The following CFAP54 variants were observed in gnomAD, a reference collection of about 807,000 sequenced individuals.
The protein encoded by CFAP54 is cilia- and flagella-associated protein 54.
In CFAP54, 290 loss-of-function variants were observed where a neutral mutation model predicts 370.4. That is an observed-to-expected ratio of 0.78 (90% CI 0.71 to 0.86). The LOEUF is 0.86. Among genes scored for constraint, CFAP54 ranks in the 40% least tolerant of loss-of-function variants. The pLI is 0.00. For missense variants in CFAP54, 3,399 were observed against 3,528.7 expected, an observed-to-expected ratio of 0.96 and a Z score of 0.93; for synonymous variants, 1,206 against 1,236.5, an observed-to-expected ratio of 0.98 and a Z score of 0.52.
In CFAP54 at chr12:96,811,811, T is replaced by G; in HGVS notation, c.8926T>G (p.Cys2976Gly). Residue 2976 changes from cysteine to glycine, a missense_variant, in exon 64 of 68, where the codon TGT becomes GGT. Physicochemically the swap from Cys to Gly is radical, Grantham distance 159. Coordinates refer to ENST00000524981, the MANE Select transcript of CFAP54 (RefSeq NM_001306084.2). The stretch of plus-strand genomic sequence containing the variant: ...TAGACATTCCACTTATAACAGTACA[T>G]GTGTTGGCTCTTTATGGATTCCACT... Reference protein sequence around the residue: ...DVRHSTYNSTCVGSLWIPLNR... With the variant: ...DVRHSTYNSTGVGSLWIPLNR... 1 of 1,519,090 alleles carries G rather than the reference T, an allele frequency of 6.6e-7. No individual in the cohort carries two copies. Among genetic ancestry groups the G allele is most frequent in the South Asian group, 1.2e-5 (1 of 81,026 alleles). The allele number at this position is 1,519,090 out of a possible 1,614,324, so 94.1% of individuals were successfully genotyped here.
intron 5 of CFAP54, among the ~76,000 whole-genome samples, chr12:96,516,564 G>A (rs533433314): frequency 2.6e-5 from 4 of 152,108 alleles, no homozygotes; most frequent in Admixed American, 6.5e-5. Context: ...AATAGAGGGC[G>A]GTCGGACTTC....
intron 63 of CFAP54, among the ~76,000 whole-genome samples, chr12:96,799,367 A>G (rs968663025): frequency 6.6e-6 from 1 of 151,912 alleles, no homozygotes; most frequent in Admixed American, 6.6e-5. Context: ...CAGCATTTTT[A>G]TTTGCTTTTT....
intron 66 of CFAP54, among the ~76,000 whole-genome samples, chr12:96,839,072 C>A (rs1959196021): frequency 6.6e-6 from 1 of 152,156 alleles, no homozygotes; most frequent in African/African-American, 2.4e-5. Context: ...AGAGTTAGAA[C>A]CCGGATTTGT....
Position 96,591,380 on chromosome 12 carries a change from A to G in CFAP54, c.3213-1110A>G, listed in dbSNP as rs573077369. Among the ~76,000 whole-genome samples, 23 of 152,304 alleles carry G rather than the reference A, an allele frequency of 1.5e-4. 1 individual carries two copies. Among genetic ancestry groups the G allele is most frequent in the African/African-American group, 5.5e-4 (23 of 41,552 alleles). ...AGAAAATGAAAAATCCTAACAAGCA[A>G]AGACCACTCATGTGAAGTTTGGTGG... On this transcript the variant is annotated intron_variant, in intron 23 of 67. Transcript: ENST00000524981.
intron 57 of CFAP54, 94 bp downstream of exon 57, chr12:96,756,657 A>G: frequency 1.3e-6 from 1 of 795,294 alleles, no homozygotes; most frequent in Non-Finnish European, 2.1e-6. Flanking sequence ...ATTGCTTGGG[A>G]TGCCTTCTGA....
In CFAP54 at chr12:96,581,097, C is replaced by A; in HGVS notation, c.3067C>A (p.Leu1023Met). The A allele has an allele frequency of 6.8e-7, 1 of 1,476,960 alleles. No individual in the cohort carries two copies. The highest frequency in any genetic ancestry group is 1.3e-5 in the South Asian group (1 of 74,986). The allele number at this position is 1,476,960 out of a possible 1,614,324, so 91.5% of individuals were successfully genotyped here. Reference sequence around the variant, plus strand: ...TTCTACTATTACTGCTCGGATGTTCCTGACACAGGTAGAAAAGATTTCTGC... The same window carrying A: ...TTCTACTATTACTGCTCGGATGTTCATGACACAGGTAGAAAAGATTTCTGC... The part of the protein sequence containing the change: ...PLSTITARMF[L>M]TQVAYQVGNY... The change falls in exon 22 of 68, where the codon CTG (leucine) becomes ATG (methionine). Residue 1023 changes from leucine (L) to methionine (M), a missense_variant. By Grantham distance (15) the Leu-to-Met change is conservative. Around this residue, in one of 3 missense-constraint regions of CFAP54, gnomAD observed 2,796 missense variants for 2,869.7 expected, o/e 0.97. Transcript: ENST00000524981.
chr12:96,818,991 G>A (rs968616401), intron 65 of CFAP54, among the ~76,000 whole-genome samples: 9 of 152,162 alleles, frequency 5.9e-5, no homozygotes, highest in Admixed American at 3.9e-4. Context: ...GATGTATTCT[G>A]TACTTATTGT....
chr12:96,756,073 A>G (rs1477930407), intron 56 of CFAP54, among the ~76,000 whole-genome samples: 1 of 152,190 alleles, frequency 6.6e-6, no homozygotes, highest in Non-Finnish European at 1.5e-5. Flanking sequence ...ATGGGAGGGC[A>G]GATGTTTTCT....
chr12:96,644,079 G>A (rs1956763653), intron 32 of CFAP54, 99 bp from the exon 33 acceptor site: 1 of 767,608 alleles, frequency 1.3e-6, no homozygotes, highest in Admixed American at 2.7e-5. Flanking sequence ...GGGCAGTCAA[G>A]TGACTTATTG....
At chr12:96,820,569 T>C (rs968654585) in intron 65 of CFAP54, among the ~76,000 whole-genome samples, 2 of 152,184 alleles carry the variant, frequency 1.3e-5, no homozygotes, top group Admixed American at 6.5e-5. Context: ...AGGTATATCA[T>C]GGGGCAGATG....
At chr12:96,753,614 TAA>T (rs1958215427) in intron 55 of CFAP54, 127 bp from the exon 56 acceptor site, 2 of 865,452 alleles carry the variant, frequency 2.3e-6, no homozygotes, top group Non-Finnish European at 3.5e-6. Flanking sequence ...TCTTGGATGC[TAA>T]AAACTGTAAA....
chr12:96,597,551 C>T (rs1011645270), intron 25 of CFAP54, among the ~76,000 whole-genome samples: 3 of 151,774 alleles, frequency 2.0e-5, no homozygotes, highest in Non-Finnish European at 4.4e-5. Context: ...AAATGTGTAC[C>T]ATGAAGTCCT....
chr12:96,858,524 G>A (rs772940270), intron 66 of CFAP54, among the ~76,000 whole-genome samples: 7 of 152,126 alleles, frequency 4.6e-5, no homozygotes, highest in Non-Finnish European at 8.8e-5. Context: ...TTTTGCTTTT[G>A]TTGTGATTGT....
At chr12:96,647,472 C>CAAAAAAAAA (rs57089692) in intron 33 of CFAP54, among the ~76,000 whole-genome samples, 602 of 40,702 alleles carry the variant, frequency 0.015, 40 homozygotes, top group African/African-American at 0.035. Context: ...GACTCTGTCC[C>CAAAAAAAAA]AAAAAAAAAA....
chr12:96,658,722 T>C (rs1956954160), intron 38 of CFAP54, among the ~76,000 whole-genome samples: 1 of 152,030 alleles, frequency 6.6e-6, no homozygotes, highest in African/African-American at 2.4e-5. Context: ...GCCTCTTCCT[T>C]AGTGTGTTAA....
intron 17 of CFAP54, among the ~76,000 whole-genome samples, chr12:96,555,904 T>C (rs1383469004): frequency 5.3e-5 from 8 of 151,922 alleles, no homozygotes; most frequent in African/African-American, 1.9e-4. Context: ...ACAATCTTTT[T>C]ACAAAATGTA....
intron 39 of CFAP54, among the ~76,000 whole-genome samples, chr12:96,664,723 ATC>A (rs1244706176): frequency 0.13 from 1,609 of 12,170 alleles, 83 homozygotes; most frequent in East Asian, 0.39. Context: ...ATCTATATAT[ATC>A]TATATATATA....
rs146525442 is a variant in CFAP54, at chr12:96,613,717, A to G, written c.3640-7873A>G. Among the ~76,000 whole-genome samples the G allele has an allele frequency of 9.6e-3, 1,466 of 152,338 alleles. 26 individuals carry two copies. The highest frequency in any genetic ancestry group is 0.033 in the African/African-American group (1,352 of 41,578). On this transcript the variant is annotated intron_variant, in intron 26 of 67. Coordinates refer to ENST00000524981, the MANE Select transcript of CFAP54 (RefSeq NM_001306084.2). ...CACCAATCTCACAGAGATACAAACT[A>G]TCAGCAGAGAATACTATAAACACCT...
intron 66 of CFAP54, among the ~76,000 whole-genome samples, chr12:96,848,480 C>T (rs989140319): frequency 4.6e-5 from 7 of 152,094 alleles, no homozygotes; most frequent in Non-Finnish European, 8.8e-5. Context: ...AGGTGGATCA[C>T]GAGGTCAAGA....
Sources: allele counts gnomAD v4.1 joint callset (sites outside exome capture counted in the v4.1 genomes callset), GRCh38; gene constraint gnomAD v4.1.1; regional missense constraint gnomAD v4.1.1; transcripts MANE v1.5; gene names NCBI Gene and HGNC (gene_info 2026-07-23, HGNC 2026-07-21).